Variants in PRXL2A observed in about 807,000 individuals in gnomAD.
PRXL2A encodes peroxiredoxin-like 2A.
PRXL2A carries 26 observed loss-of-function variants against 25.6 expected under a neutral mutation model. That is an observed-to-expected ratio of 1.02 (90% CI 0.74 to 1.41). The LOEUF is 1.41. Among genes scored for constraint, PRXL2A ranks in the 40% most tolerant of loss-of-function variants. PRXL2A has a pLI of 0.00. For missense variants in PRXL2A, 246 were observed against 273.9 expected (o/e 0.90, Z 0.72); for synonymous variants, 98 against 102.9 (o/e 0.95, Z 0.29).
rs1423466377 is a variant in PRXL2A at position 80,435,342 on chromosome 10, C to T, written c.*3243C>T. 1 of 152,182 alleles carries T rather than the reference C, an allele frequency of 6.6e-6. No individual in the cohort carries two copies. The highest frequency in any genetic ancestry group is 6.5e-5 in the Admixed American group (1 of 15,278). 9.4% of individuals were successfully genotyped at this position (152,182 alleles called of 1,614,324 possible). A position where few individuals can be genotyped will look rare whatever the true frequency, so the allele number is the denominator to read the frequency against. On this transcript the variant is annotated 3_prime_UTR_variant, in exon 6 of 6. Coordinates refer to ENST00000606162, the MANE Select transcript of PRXL2A (RefSeq NM_032333.5). Reference sequence around the variant, plus strand: ...GCCTGGGTTATCCCTGAGACAGGGCCTTGAGCTGCTAGAAACTATGCTAGT... The same window carrying T: ...GCCTGGGTTATCCCTGAGACAGGGCTTTGAGCTGCTAGAAACTATGCTAGT...
chr10:80,414,804 C>T (rs1309610657), intron 1 of PRXL2A, among the ~76,000 whole-genome samples: 2 of 152,238 alleles, frequency 1.3e-5, no homozygotes, highest in Non-Finnish European at 2.9e-5. Flanking sequence ...TAGGCCATTA[C>T]TGACAGCTTC....
chr10:80,415,157 G>A (rs951976853), intron 1 of PRXL2A, among the ~76,000 whole-genome samples: 2 of 152,154 alleles, frequency 1.3e-5, no homozygotes, highest in African/African-American at 2.4e-5. Context: ...CACTGGGTGC[G>A]GTCTGTCCAT....
At position 80,408,600 on chromosome 10, in the gene PRXL2A, G is replaced by C. The variant is rs1181469683; in HGVS notation, c.-46G>C. ...CGGGCGGTTTGGCCCCTTAGCGCCC[G>C]GGCGTCGGGGCGGTAAAAGGCCGGC... On this transcript the variant is annotated 5_prime_UTR_variant, in exon 1 of 6. Coordinates refer to ENST00000606162, the MANE Select transcript of PRXL2A (RefSeq NM_032333.5). 1 of 152,332 alleles carries C rather than the reference G, an allele frequency of 6.6e-6. No homozygotes were observed. The highest frequency in any genetic ancestry group is 1.5e-5 in the Non-Finnish European group (1 of 68,176). The allele number at this position is 152,332 out of a possible 1,614,324, so 9.4% of individuals were successfully genotyped here. A position where few individuals can be genotyped will look rare whatever the true frequency, so the allele number is the denominator to read the frequency against.
intron 3 of PRXL2A, among the ~76,000 whole-genome samples, chr10:80,425,061 A>G (rs1844998230): frequency 6.6e-6 from 1 of 152,232 alleles, no homozygotes; most frequent in South Asian, 2.1e-4. Context: ...TGTAGTTGCA[A>G]CCATACAACA....
In PRXL2A at chr10:80,436,846, C is replaced by A. The variant is rs1259352088; in HGVS notation, c.*4747C>A. The A allele has an allele frequency of 6.6e-6, 1 of 152,370 alleles. No homozygotes were observed. Among genetic ancestry groups the A allele is most frequent in the Admixed American group, 6.5e-5 (1 of 15,280 alleles). The allele number at this position is 152,370 out of a possible 1,614,324, so 9.4% of individuals were successfully genotyped here. A position where few individuals can be genotyped will look rare whatever the true frequency, so the allele number is the denominator to read the frequency against. ...TACCGTGTTTGACTGTCGTAAGATA[C>A]CCATTCCAGAGAGGGTCCCACCCCG... On this transcript the variant is annotated 3_prime_UTR_variant, in exon 6 of 6. Coordinates refer to ENST00000606162, the MANE Select transcript of PRXL2A (RefSeq NM_032333.5).
Position 80,436,754 on chromosome 10 carries a change from A to G in PRXL2A, c.*4655A>G, listed in dbSNP as rs192870421. The G allele has an allele frequency of 6.6e-6, 1 of 152,368 alleles. No homozygotes were observed. The highest frequency in any genetic ancestry group is 1.5e-5 in the Non-Finnish European group (1 of 68,056). The allele number at this position is 152,368 out of a possible 1,614,324, so 9.4% of individuals were successfully genotyped here. On this transcript the variant is annotated 3_prime_UTR_variant, in exon 6 of 6. Coordinates refer to ENST00000606162, the MANE Select transcript of PRXL2A (RefSeq NM_032333.5). ...TACCCAAAGCCAGCCATAAAACCTA[A>G]AAATAGTCCTCTCACTCCCCATTCC...
intron 1 of PRXL2A, among the ~76,000 whole-genome samples, chr10:80,417,167 A>G (rs972735984): frequency 2.0e-5 from 3 of 152,256 alleles, no homozygotes; most frequent in African/African-American, 7.2e-5. Flanking sequence ...TTACAGAGAG[A>G]TAAACAATTT....
At position 80,422,475 on chromosome 10, in the gene PRXL2A, C is replaced by T. The variant is rs370909688; in HGVS notation, c.237C>T (p.Ala79=). 3.0e-5 allele frequency: 49 copies of T among 1,613,872 alleles called. No homozygotes were observed. The highest frequency in any genetic ancestry group is 3.8e-5 in the Non-Finnish European group (45 of 1,179,966). The change falls in exon 3 of 6, where the codon GCC becomes GCT. Residue 79 remains alanine (A), a synonymous_variant. Transcript: ENST00000606162. ...AAAAAAATGGAGCTGTGATTATGGCCGTGCGGAGGCCAGGCTGTTTCCTCT... is the reference window on the plus strand; with the variant it reads ...AAAAAAATGGAGCTGTGATTATGGCTGTGCGGAGGCCAGGCTGTTTCCTCT... The part of the protein sequence containing the change: ...LWEKNGAVIM[A]VRRPGCFLCR...
In PRXL2A at chr10:80,436,729, T is replaced by C. The variant is rs1331680186; in HGVS notation, c.*4630T>C. The C allele has an allele frequency of 6.6e-6, 1 of 152,260 alleles. No homozygotes were observed. The highest frequency in any genetic ancestry group is 2.4e-5 in the African/African-American group (1 of 41,458). 9.4% of individuals were successfully genotyped at this position (152,260 alleles called of 1,614,324 possible). ...GGTCATCAGAAACCAGAACCGGTTT[T>C]ACCCAAAGCCAGCCATAAAACCTAA... On this transcript the variant is annotated 3_prime_UTR_variant, in exon 6 of 6. Coordinates refer to ENST00000606162, the MANE Select transcript of PRXL2A (RefSeq NM_032333.5).
upstream of PRXL2A, among the ~76,000 whole-genome samples, chr10:80,408,154 C>T (rs528353275): frequency 2.7e-3 from 404 of 147,682 alleles, 4 homozygotes; most frequent in South Asian, 8.8e-3. Flanking sequence ...TTAGATTCCC[C>T]CTGCCCATGG....
chr10:80,417,381 GCTTACACAGGTCAA>G (rs1844698314), intron 1 of PRXL2A, among the ~76,000 whole-genome samples: 1 of 152,204 alleles, frequency 6.6e-6, no homozygotes, highest in Non-Finnish European at 1.5e-5. Flanking sequence ...CTGAGGATCT[GCTTACACAGGTCAA>G]CTCCTTGCGG....
intron 1 of PRXL2A, among the ~76,000 whole-genome samples, chr10:80,414,690 G>GT (rs1564688512): frequency 6.6e-6 from 1 of 152,178 alleles, no homozygotes; most frequent in African/African-American, 2.4e-5. Context: ...TAGTACTGCT[G>GT]CCTGCTGGCT....
At chr10:80,423,109 A>G (rs1246916588) in intron 3 of PRXL2A, among the ~76,000 whole-genome samples, 1 of 152,058 alleles carries the variant, frequency 6.6e-6, no homozygotes, top group Non-Finnish European at 1.5e-5. Flanking sequence ...TTGGCATGAG[A>G]GTTTGTTGAA....
rs1564691163 is a variant in PRXL2A, at chr10:80,420,537, GC to G, written c.71del (p.Ala24ValfsTer29). ...GTCCATTGGTGCAGGAGCCCTGGGG[GC>G]TGCTGCCTTGGCATTGCTGCTTGCC... ...MWSIGAGALG[A>X]AALALLLANT... On this transcript the variant is annotated frameshift_variant, in exon 2 of 6. Coordinates refer to ENST00000606162, the MANE Select transcript of PRXL2A (RefSeq NM_032333.5). LOFTEE classifies it high-confidence loss of function. 1 of 1,613,728 alleles carries G rather than the reference GC, an allele frequency of 6.2e-7. No homozygotes were observed. Among genetic ancestry groups the G allele is most frequent in the East Asian group, 2.2e-5 (1 of 44,874 alleles).
rs1845353275 is a variant in PRXL2A, at chr10:80,434,619, A to C, written c.*2520A>C. 1 of 152,164 alleles carries C rather than the reference A, an allele frequency of 6.6e-6. No homozygotes were observed. The allele number at this position is 152,164 out of a possible 1,614,324, so 9.4% of individuals were successfully genotyped here. A position where few individuals can be genotyped will look rare whatever the true frequency, so the allele number is the denominator to read the frequency against. On this transcript the variant is annotated 3_prime_UTR_variant, in exon 6 of 6. Transcript: ENST00000606162. ...GTGCAGAGGTGATGGAATTTTAAAG[A>C]GGGGAGGGAGGAGGTTCAAATAGAA...
intron 1 of PRXL2A, among the ~76,000 whole-genome samples, chr10:80,412,692 GC>G (rs1268516290): frequency 5.9e-5 from 9 of 152,316 alleles, no homozygotes; most frequent in Non-Finnish European, 1.3e-4. Flanking sequence ...TGTTATGTGT[GC>G]TGGGCCTTAT....
chr10:80,421,497 C>G (rs538069109), intron 2 of PRXL2A, among the ~76,000 whole-genome samples: 2 of 152,084 alleles, frequency 1.3e-5, no homozygotes, highest in Non-Finnish European at 2.9e-5. Flanking sequence ...AGGAAGCTTG[C>G]GAAAGGAAGG....
intron 1 of PRXL2A, among the ~76,000 whole-genome samples, chr10:80,412,953 A>G (rs1225056594): frequency 6.6e-6 from 1 of 152,162 alleles, no homozygotes; most frequent in East Asian, 1.9e-4. Flanking sequence ...AGCCAGATTC[A>G]TTCTGTGGTT....
intron 4 of PRXL2A, 32 bp from the exon 5 acceptor site, chr10:80,427,300 C>T (rs1345583873): frequency 1.2e-6 from 2 of 1,604,980 alleles, no homozygotes; most frequent in Admixed American, 3.3e-5. Flanking sequence ...ATGTAGAGTA[C>T]TCATATGGGA....
Sources: gnomAD v4.1 joint callset for allele counts (sites outside exome capture counted in the v4.1 genomes callset) on GRCh38, gnomAD v4.1.1 for gene constraint, MANE v1.5 for transcripts, NCBI Gene and HGNC (gene_info 2026-07-23, HGNC 2026-07-21) for gene names.